Variants in FLNB observed in about 807,000 individuals in gnomAD.
The protein encoded by FLNB is filamin B.
Under a neutral mutation model 250.6 loss-of-function variants are expected in FLNB, and 111 were observed. The observed-to-expected ratio is 0.44, with a 90% CI of 0.38 to 0.52. The LOEUF (loss-of-function observed/expected upper bound fraction) is 0.52. Among genes scored for constraint, FLNB ranks in the 20% least tolerant of loss-of-function variants. The probability of loss-of-function intolerance (pLI) is 0.00; values close to 1 mark genes in which losing one functional copy is unlikely to be tolerated. For synonymous variants in FLNB, 1,302 were observed against 1,372.1 expected (o/e 0.95, Z 1.13); for missense variants, 2,869 against 3,447.8 (o/e 0.83, Z 4.20).
chr3:58,165,732 G>GC, intron 43 of FLNB: 1 of 152,250 alleles, frequency 6.6e-6, no homozygotes, highest in South Asian at 2.1e-4. Flanking sequence ...CTTTGGAGCC[G>GC]CTGAGCAATT....
In FLNB at chr3:58,163,245, C is replaced by T. The variant is rs2097364601; in HGVS notation, c.7113C>T (p.Phe2371=). 1 of 1,614,128 alleles carries T rather than the reference C, an allele frequency of 6.2e-7. No homozygotes were observed. The part of the protein sequence containing the change: ...FNGSHVVGSP[F]KVRVGEPGQA... The stretch of plus-strand genomic sequence containing the variant: ...GGAGCCACGTGGTTGGAAGCCCCTT[C>T]AAAGTGCGCGTTGGGGAGCCTGGAC... Residue 2371 remains phenylalanine (F), a synonymous_variant, in exon 43 of 46, where the codon TTC becomes TTT. Coordinates refer to ENST00000295956, the MANE Select transcript of FLNB (RefSeq NM_001457.4).
chr3:58,061,706 T>G (rs1051203829), intron 1 of FLNB, among the ~76,000 whole-genome samples: 1 of 149,678 alleles, frequency 6.7e-6, no homozygotes, highest in African/African-American at 2.5e-5. Flanking sequence ...ACCACTGCAC[T>G]CCAGCCTAGG....
rs2097383277 is a variant in FLNB, at chr3:58,172,120, G to C, written c.*1358G>C. 6.6e-6 allele frequency: 1 copy of C among 152,632 alleles called. No homozygotes were observed. The highest frequency in any genetic ancestry group is 2.1e-4 in the South Asian group (1 of 4,818). 9.5% of individuals were successfully genotyped at this position (152,632 alleles called of 1,614,324 possible). A position where few individuals can be genotyped will look rare whatever the true frequency, so the allele number is the denominator to read the frequency against. On this transcript the variant is annotated 3_prime_UTR_variant, in exon 46 of 46. Coordinates refer to ENST00000295956, the MANE Select transcript of FLNB (RefSeq NM_001457.4). ...GGGGTAAAAGCCCACCCTACAGAAA[G>C]TGGAACAGCCCGGAGCCTGATGTGA...
chr3:58,120,365 G>A (rs572482801), intron 19 of FLNB, among the ~76,000 whole-genome samples: 21 of 152,348 alleles, frequency 1.4e-4, no homozygotes, highest in African/African-American at 4.8e-4. Context: ...CTTTTCCGGT[G>A]GGAAGTAGCG....
At position 58,109,254 on chromosome 3, in the gene FLNB, G is replaced by A; in HGVS notation, c.2131G>A (p.Val711Met). The A allele has an allele frequency of 3.7e-6, 6 of 1,614,240 alleles. No individual in the cohort carries two copies. The highest frequency in any genetic ancestry group is 4.2e-6 in the Non-Finnish European group (5 of 1,180,042). Residue 711 changes from valine (V) to methionine (M), a missense_variant, in exon 14 of 46, where the codon GTG becomes ATG. Val to Met is a conservative substitution (Grantham distance 21). Coordinates refer to ENST00000295956, the MANE Select transcript of FLNB (RefSeq NM_001457.4). Reference sequence around the variant, plus strand: ...CACATATGCATGCTCATACACCCCGGTGAAGGCCATCAAGCACACCATTGC... The same window carrying A: ...CACATATGCATGCTCATACACCCCGATGAAGGCCATCAAGCACACCATTGC... The part of the protein sequence containing the change: ...DGTYACSYTP[V>M]KAIKHTIAVV...
At position 58,169,586 on chromosome 3, in the gene FLNB, T is replaced by G. The variant is rs1438144630; in HGVS notation, c.7418-4T>G. ...TGCCTGTCCCCCTCCCTCCTGTATC[T>G]TAGGCCAGCGTCTAGTTAGCCCTGG... is the stretch of plus-strand genomic sequence containing the variant. On this transcript the variant is annotated splice_polypyrimidine_tract_variant and splice_region_variant and intron_variant, in intron 44 of 45. Coordinates refer to ENST00000295956, the MANE Select transcript of FLNB (RefSeq NM_001457.4). The surrounding 1 kb of genome is among the most constrained non-coding windows in gnomAD (Gnocchi z 4.8). The G allele has an allele frequency of 4.3e-6, 7 of 1,613,282 alleles. No individual in the cohort carries two copies. The highest frequency in any genetic ancestry group is 5.9e-6 in the Non-Finnish European group (7 of 1,179,208).
chr3:58,013,127 A>G (rs1169315290), intron 1 of FLNB, among the ~76,000 whole-genome samples: 1 of 152,214 alleles, frequency 6.6e-6, no homozygotes, highest in African/African-American at 2.4e-5. Context: ...TTGTTTTTCC[A>G]AAAACCTTTC....
At chr3:58,087,695 C>T (rs1356945824) in intron 4 of FLNB, among the ~76,000 whole-genome samples, 2 of 151,748 alleles carry the variant, frequency 1.3e-5, no homozygotes, top group Non-Finnish European at 2.9e-5. Context: ...CGTGATCCAC[C>T]TGCCTCGGCC....
At chr3:58,156,335 A>ACAAC (rs1447336896) in intron 41 of FLNB, among the ~76,000 whole-genome samples, 1 of 152,248 alleles carries the variant, frequency 6.6e-6, no homozygotes, top group African/African-American at 2.4e-5. Context: ...TTGTTTTTAA[A>ACAAC]GGTTTATTTA....
At chr3:58,021,750 C>G (rs566408422) in intron 1 of FLNB, among the ~76,000 whole-genome samples, 1 of 152,014 alleles carries the variant, frequency 6.6e-6, no homozygotes, top group South Asian at 2.1e-4. Flanking sequence ...GAGGTCCTCT[C>G]CTGGGCACCC....
chr3:58,111,371 T>G (rs941436967), intron 16 of FLNB, among the ~76,000 whole-genome samples: 3 of 152,256 alleles, frequency 2.0e-5, no homozygotes, highest in African/African-American at 4.8e-5. Flanking sequence ...ACATTCTTTT[T>G]GAAGAATTAT....
rs770724869 is a variant in FLNB at position 58,008,746 on chromosome 3, G to A, written c.182G>A (p.Arg61His). 6.2e-7 allele frequency: 1 copy of A among 1,613,990 alleles called. No individual in the cohort carries two copies. Among genetic ancestry groups the A allele is most frequent in the Non-Finnish European group, 8.5e-7 (1 of 1,180,018 alleles). Residue 61 changes from arginine to histidine, a missense_variant, in exon 1 of 46, where the codon CGC becomes CAC. Transcript: ENST00000295956. ...CTGCTCGAGGTGCTCAGCCAGAAGCGCATGTACCGCAAGTACCATCAGCGG... is the reference window on the plus strand; with the variant it reads ...CTGCTCGAGGTGCTCAGCCAGAAGCACATGTACCGCAAGTACCATCAGCGG... ...IALLEVLSQK[R>H]MYRKYHQRPT...
chr3:58,133,280 T>C (rs1345288950), intron 26 of FLNB, among the ~76,000 whole-genome samples: 1 of 152,100 alleles, frequency 6.6e-6, no homozygotes, highest in African/African-American at 2.4e-5. Flanking sequence ...ATCTTTAGTT[T>C]AAAGGTGAGC....
chr3:58,093,888 G>A (rs540723050), intron 4 of FLNB, among the ~76,000 whole-genome samples: 11 of 152,346 alleles, frequency 7.2e-5, no homozygotes, highest in Admixed American at 5.9e-4. Context: ...ACATAGTTAT[G>A]ATTCCATTGA....
intron 29 of FLNB, 24 bp downstream of exon 29, chr3:58,138,553 G>T: frequency 6.2e-7 from 1 of 1,613,860 alleles, no homozygotes. Context: ...CTTCTCCCGA[G>T]CATGCTGTTA....
chr3:58,106,311 C>T (rs1380666915), intron 11 of FLNB, among the ~76,000 whole-genome samples: 1 of 148,336 alleles, frequency 6.7e-6, no homozygotes, highest in African/African-American at 2.5e-5. Flanking sequence ...GTTGGACTTC[C>T]CCTGTTGGAT....
chr3:58,032,721 C>A (rs2097132693), intron 1 of FLNB, among the ~76,000 whole-genome samples: 2 of 152,254 alleles, frequency 1.3e-5, no homozygotes, highest in South Asian at 4.2e-4. Flanking sequence ...GGGATGTGGT[C>A]TGGTATCCCA....
Position 58,125,567 on chromosome 3 carries a change from G to C in FLNB, c.3899-14G>C. The C allele has an allele frequency of 6.2e-7, 1 of 1,614,018 alleles. No homozygotes were observed. The highest frequency in any genetic ancestry group is 8.5e-7 in the Non-Finnish European group (1 of 1,179,884). ...TGTATGCAAATATGCGTTTCTGTTTGTTGTTTTGAGCAGGTCTCCATGTAG... is the reference window on the plus strand; with the variant it reads ...TGTATGCAAATATGCGTTTCTGTTTCTTGTTTTGAGCAGGTCTCCATGTAG... On this transcript the variant is annotated splice_polypyrimidine_tract_variant and intron_variant, in intron 22 of 45. Transcript: ENST00000295956.
At chr3:58,129,388 T>C (rs2097302789) in intron 24 of FLNB, among the ~76,000 whole-genome samples, 1 of 152,216 alleles carries the variant, frequency 6.6e-6, no homozygotes. Flanking sequence ...TGTTGGTTTT[T>C]GGCTACTCTC....
Sources: allele counts gnomAD v4.1 joint callset (sites outside exome capture counted in the v4.1 genomes callset), GRCh38; gene constraint gnomAD v4.1.1; non-coding constraint Gnocchi (gnomAD v3.1); transcripts MANE v1.5; gene names NCBI Gene and HGNC (gene_info 2026-07-23, HGNC 2026-07-21).